The following DACH2 variants were observed in gnomAD, a reference collection of about 807,000 sequenced individuals.
DACH2 encodes dachshund homolog 2.
A neutral mutation model predicts 35.8 loss-of-function variants in DACH2; 17 were observed. That is an observed-to-expected ratio of 0.48 (90% CI 0.33 to 0.71). The LOEUF is 0.71. Ranked by LOEUF, DACH2 falls within the 30% of genes least tolerant of loss-of-function variation. DACH2 has a pLI of 0.02. For synonymous variants in DACH2, 195 were observed against 177.3 expected, an observed-to-expected ratio of 1.10 and a Z score of -0.79; for missense variants, 469 against 472.7, an observed-to-expected ratio of 0.99 and a Z score of 0.07.
At chrX:86,740,537 T>G (rs1444431148) in intron 7 of DACH2, among the ~76,000 whole-genome samples, 1 of 78,531 alleles carries the variant, frequency 1.3e-5, no homozygotes, top group Non-Finnish European at 2.3e-5. Flanking sequence ...CGGAGTATGA[T>G]GTTCCCCTTC....
At chrX:86,677,074 A>G (rs943798939) in intron 4 of DACH2, among the ~76,000 whole-genome samples, 5 of 112,040 alleles carry the variant, frequency 4.5e-5, no homozygotes, top group Admixed American at 1.9e-4. Context: ...TTTAATTTCT[A>G]TGTTAGCATC....
chrX:86,626,920 A>T (rs1374016900), intron 3 of DACH2, among the ~76,000 whole-genome samples: 1 of 112,464 alleles, frequency 8.9e-6, no homozygotes, highest in African/African-American at 3.2e-5. Context: ...TGTCCTGGAG[A>T]CATTTTTCCC....
intron 1 of DACH2, among the ~76,000 whole-genome samples, chrX:86,344,336 A>G (rs2035462722): frequency 1.0e-5 from 1 of 99,479 alleles, no homozygotes; most frequent in African/African-American, 4.0e-5. Context: ...ATATATATAT[A>G]TATATATACA....
chrX:86,749,203 G>C (rs776387229), intron 7 of DACH2, among the ~76,000 whole-genome samples: 1 of 111,932 alleles, frequency 8.9e-6, no homozygotes, highest in South Asian at 3.7e-4. Context: ...TGTCATTTGT[G>C]TTTTCACTGG....
chrX:86,742,675 G>T (rs1293151581), intron 7 of DACH2: 1 of 304,031 alleles, frequency 3.3e-6, no homozygotes. Context: ...GGAACTTATT[G>T]TTGATCAAGA....
At chrX:86,163,815 C>G (rs1035651848) in intron 1 of DACH2, among the ~76,000 whole-genome samples, 2 of 110,930 alleles carry the variant, frequency 1.8e-5, no homozygotes. Flanking sequence ...TTTTTTTAAT[C>G]CATTTCTGTC....
At chrX:86,231,892 T>A (rs114805360) in intron 1 of DACH2, among the ~76,000 whole-genome samples, 1,441 of 111,214 alleles carry the variant, frequency 0.013, 18 homozygotes, top group African/African-American at 0.042. Context: ...GCCTGGGGGG[T>A]TGGTGAGCTC....
At chrX:86,236,302 C>T (rs1487509048) in intron 1 of DACH2, among the ~76,000 whole-genome samples, 2 of 112,129 alleles carry the variant, frequency 1.8e-5, no homozygotes, top group Middle Eastern at 4.7e-3. Context: ...CAAACAGCAA[C>T]GTCTTGTACA....
intron 6 of DACH2, among the ~76,000 whole-genome samples, chrX:86,715,831 A>G (rs1042130715): frequency 9.0e-6 from 1 of 111,238 alleles, no homozygotes; most frequent in East Asian, 2.8e-4. Context: ...CTGGGAAGGC[A>G]TTATAGTTGA....
At chrX:86,719,932 C>CTTTTTTTTTTTCTTTTTTCT (rs57079697) in intron 6 of DACH2, among the ~76,000 whole-genome samples, 1 of 75,589 alleles carries the variant, frequency 1.3e-5, no homozygotes, top group Non-Finnish European at 2.4e-5. Context: ...TTTCTTTTTT[C>CTTTTTTTTTTTCTTTTTTCT]TTTTTTTTTT....
chrX:86,358,693 C>G lies in DACH2; in HGVS notation c.489-18131C>G, dbSNP rs527594932. ...AATTCCTGATAGAAGCTATTTCTTT[C>G]TCCCAGCTCATCTTTGTTTATTCTT... is the stretch of plus-strand genomic sequence containing the variant. On this transcript the variant is annotated intron_variant, in intron 1 of 11. Coordinates refer to ENST00000373125, the MANE Select transcript of DACH2 (RefSeq NM_053281.3). Among the ~76,000 whole-genome samples, 8 of 102,830 alleles carry G rather than the reference C, an allele frequency of 7.8e-5. No homozygotes were observed. In the Admixed American group the frequency reaches 8.8e-4, roughly 11 times the overall value. 89.3% of individuals were successfully genotyped at this position (102,830 alleles called of 115,157 possible). A position where few individuals can be genotyped will look rare whatever the true frequency, so the allele number is the denominator to read the frequency against.
At chrX:86,577,735 A>G (rs1482896298) in intron 3 of DACH2, among the ~76,000 whole-genome samples, 1 of 111,118 alleles carries the variant, frequency 9.0e-6, no homozygotes, top group Non-Finnish European at 1.9e-5. Context: ...AGAGTGTACA[A>G]AGGCTGAAGA....
chrX:86,823,936 C>T (rs1212536717), intron 11 of DACH2, among the ~76,000 whole-genome samples: 1 of 111,784 alleles, frequency 8.9e-6, no homozygotes, highest in East Asian at 2.8e-4. Flanking sequence ...ATCAGAAACT[C>T]CTGATAAGGG....
At chrX:86,686,679 C>T (rs1216709373) in intron 4 of DACH2, among the ~76,000 whole-genome samples, 1 of 111,722 alleles carries the variant, frequency 9.0e-6, no homozygotes, top group African/African-American at 3.3e-5. Flanking sequence ...GGCAAAACCC[C>T]ATTTTCTTCA....
At chrX:86,468,506 ACT>A (rs930617463) in intron 2 of DACH2, among the ~76,000 whole-genome samples, 2 of 111,340 alleles carry the variant, frequency 1.8e-5, no homozygotes, top group Non-Finnish European at 3.8e-5. Context: ...AGTGTTAGAA[ACT>A]CTATTCATTG....
intron 1 of DACH2, among the ~76,000 whole-genome samples, chrX:86,190,771 C>T (rs2031809930): frequency 9.1e-6 from 1 of 110,480 alleles, no homozygotes; most frequent in East Asian, 2.8e-4. Flanking sequence ...ATGGAGAAAC[C>T]CCATCTCTAC....
chrX:86,789,536 A>G (rs1240127480), intron 7 of DACH2, among the ~76,000 whole-genome samples: 3 of 111,981 alleles, frequency 2.7e-5, no homozygotes, highest in Non-Finnish European at 5.6e-5. Flanking sequence ...TTTATAAAAC[A>G]TATCCCTGTC....
At chrX:86,687,545 T>C (rs932489316) in intron 4 of DACH2, among the ~76,000 whole-genome samples, 2 of 111,929 alleles carry the variant, frequency 1.8e-5, no homozygotes, top group African/African-American at 3.2e-5. Flanking sequence ...TTAGTGGGCA[T>C]ATACCCAAAG....
At chrX:86,409,585 C>T (rs1174801036) in intron 2 of DACH2, among the ~76,000 whole-genome samples, 1 of 111,085 alleles carries the variant, frequency 9.0e-6, no homozygotes, top group African/African-American at 3.3e-5. Flanking sequence ...GACATACCTG[C>T]TCCCCCTTTG....
Sources: gnomAD v4.1 joint callset for allele counts (sites outside exome capture counted in the v4.1 genomes callset) on GRCh38, gnomAD v4.1.1 for gene constraint, MANE v1.5 for transcripts, NCBI Gene and HGNC (gene_info 2026-07-23, HGNC 2026-07-21) for gene names.